The following PNLDC1 variants were observed in gnomAD, a reference collection of about 807,000 sequenced individuals.
The protein encoded by PNLDC1 is poly(A)-specific ribonuclease PNLDC1.
In PNLDC1, 70 loss-of-function variants were observed where a neutral mutation model predicts 82.0. That is an observed-to-expected ratio of 0.85 (90% CI 0.70 to 1.04). The LOEUF (loss-of-function observed/expected upper bound fraction) is 1.04, where lower values mean the gene tolerates loss of function less well. Ranked by LOEUF, PNLDC1 falls within the 50% of genes least tolerant of loss-of-function variation. The pLI, the probability that PNLDC1 is intolerant of heterozygous loss-of-function variation, is 0.00. For missense variants in PNLDC1, 631 were observed against 661.1 expected, an observed-to-expected ratio of 0.95 and a Z score of 0.50; for synonymous variants, 280 against 249.3, an observed-to-expected ratio of 1.12 and a Z score of -1.16.
rs1291771887 is a variant in PNLDC1 at position 159,809,034 on chromosome 6, G to C, written c.659G>C (p.Ser220Thr). 6.2e-7 allele frequency: 1 copy of C among 1,613,358 alleles called. No homozygotes were observed. Among genetic ancestry groups the C allele is most frequent in the Middle Eastern group, 1.7e-4 (1 of 6,056 alleles). ...TTTCAGGTGGTAGTGAAGAAAGTGA[G>C]TAAACAACATCGTTGGTATCTTCAG... is the stretch of plus-strand genomic sequence containing the variant. ...KDEGVVVKKV[S>T]KQHRWYLQNT... Residue 220 changes from serine to threonine, a missense_variant, in exon 9 of 19, where the codon AGT becomes ACT. Ser to Thr is a moderately conservative substitution (Grantham distance 58). Coordinates refer to ENST00000392167, the MANE Select transcript of PNLDC1 (RefSeq NM_001271862.2).
At chr6:159,818,413 C>A in intron 15 of PNLDC1, 142 bp from the exon 16 acceptor site, 2 of 710,516 alleles carry the variant, frequency 2.8e-6, no homozygotes, top group Admixed American at 2.2e-5. Flanking sequence ...CCAACCAGAG[C>A]CCCAAGACTT....
At position 159,811,548 on chromosome 6, in the gene PNLDC1, C is replaced by T. The variant is rs115269477; in HGVS notation, c.854-153C>T. Among the ~76,000 whole-genome samples the T allele has an allele frequency of 6.0e-3, 906 of 152,254 alleles. 10 individuals are homozygous for T. The highest frequency in any genetic ancestry group is 0.021 in the African/African-American group (872 of 41,538). On this transcript the variant is annotated intron_variant, in intron 10 of 18. Coordinates refer to ENST00000392167, the MANE Select transcript of PNLDC1 (RefSeq NM_001271862.2). ...GCAGCTTGATCTGAGTTTAGAAATC[C>T]TTAGTGGCTAGGATTAATGGTGTTT...
intron 9 of PNLDC1, 81 bp downstream of exon 9, chr6:159,809,239 A>G (rs1781563767): frequency 2.6e-6 from 4 of 1,520,610 alleles, no homozygotes; most frequent in South Asian, 1.2e-5. Flanking sequence ...TCCTTCAACA[A>G]CAAGATAAAA....
At chr6:159,813,927 G>T (rs981112814) in intron 12 of PNLDC1, among the ~76,000 whole-genome samples, 1 of 151,738 alleles carries the variant, frequency 6.6e-6, no homozygotes, top group Admixed American at 6.6e-5. Flanking sequence ...TCATTGTCTC[G>T]CCCCTGTCAC....
In PNLDC1 at chr6:159,819,230, A is replaced by G; in HGVS notation, c.1434-24A>G. The G allele has an allele frequency of 1.9e-6, 3 of 1,613,354 alleles. No homozygotes were observed. The highest frequency in any genetic ancestry group is 2.5e-6 in the Non-Finnish European group (3 of 1,179,806). ...GCGGCGCCATCCTGCTGCCTGGCTG[A>G]CCACAGCAAACTTGTTTTGGCAGTG... On this transcript the variant is annotated intron_variant, in intron 17 of 18. Transcript: ENST00000392167. This position sits in a 1 kb window ranked among gnomAD's most constrained non-coding sequence, Gnocchi z 4.6.
In PNLDC1 at chr6:159,803,306, A is replaced by T; in HGVS notation, c.244A>T (p.Asn82Tyr). 1.2e-6 allele frequency: 2 copies of T among 1,613,600 alleles called. No individual in the cohort carries two copies. The highest frequency in any genetic ancestry group is 1.7e-6 in the Non-Finnish European group (2 of 1,179,558). ...GTTTTCCGCTATTGAAGGAGAGGCA[A>T]ACAAGTATGTATCAAGAGCTTCTGC... ...SVFSAIEGEA[N>Y]KYIAHSCNFY... is the part of the protein sequence containing the mutation. The change falls in exon 4 of 19, where the codon AAC becomes TAC. Residue 82 changes from asparagine to tyrosine, a missense_variant. Physicochemically the swap from Asn to Tyr is moderately radical, Grantham distance 143. Coordinates refer to ENST00000392167, the MANE Select transcript of PNLDC1 (RefSeq NM_001271862.2).
At chr6:159,805,256 G>A (rs1583168596) in intron 6 of PNLDC1, among the ~76,000 whole-genome samples, 1 of 152,232 alleles carries the variant, frequency 6.6e-6, no homozygotes, top group African/African-American at 2.4e-5. Flanking sequence ...ATTGTGGGTA[G>A]ACGGACCGGG....
intron 6 of PNLDC1, 65 bp downstream of exon 6, chr6:159,804,702 C>T (rs529956186): frequency 4.1e-5 from 51 of 1,257,894 alleles, no homozygotes; most frequent in South Asian, 2.0e-4. Flanking sequence ...TTCCCGTGGG[C>T]GGGCGTGCCG....
chr6:159,805,423 T>C (rs780216243), intron 6 of PNLDC1, among the ~76,000 whole-genome samples: 7 of 152,232 alleles, frequency 4.6e-5, no homozygotes, highest in African/African-American at 1.2e-4. Context: ...AATTCTGTTA[T>C]GTTGGAGGAA....
At position 159,800,294 on chromosome 6, in the gene PNLDC1, G is replaced by T. The variant is rs1191475918; in HGVS notation, c.-14G>T. On this transcript the variant is annotated 5_prime_UTR_variant, in exon 1 of 19. Transcript: ENST00000392167. ...ACGTGATAGCGCTGGGCGACTCCGC[G>T]GAGCTGCACGGCCATGGACGTGGGC... 6.5e-7 allele frequency: 1 copy of T among 1,544,012 alleles called. No individual in the cohort carries two copies. The highest frequency in any genetic ancestry group is 2.0e-5 in the Admixed American group (1 of 50,852).
At chr6:159,803,847 C>T in intron 4 of PNLDC1, 118 bp from the exon 5 acceptor site, 1 of 1,154,216 alleles carries the variant, frequency 8.7e-7, no homozygotes, top group Non-Finnish European at 1.2e-6. Flanking sequence ...ACAGCAGACA[C>T]TCGGGCACAC....
chr6:159,801,871 A>G (rs1230631664), intron 3 of PNLDC1, among the ~76,000 whole-genome samples: 1 of 150,590 alleles, frequency 6.6e-6, no homozygotes. Flanking sequence ...GTTCATACAG[A>G]TCTATTTGTT....
intron 5 of PNLDC1, 107 bp downstream of exon 5, chr6:159,804,195 G>A (rs1781364843): frequency 7.5e-7 from 1 of 1,334,538 alleles, no homozygotes; most frequent in East Asian, 2.4e-5. Context: ...TCGCCTCCCG[G>A]GTTCAAGTGA....
chr6:159,802,156 A>G (rs1005750364), intron 3 of PNLDC1, among the ~76,000 whole-genome samples: 1 of 152,238 alleles, frequency 6.6e-6, no homozygotes, highest in Non-Finnish European at 1.5e-5. Flanking sequence ...ACAGCTACTC[A>G]ATCCTGCTTT....
chr6:159,817,290 T>G, intron 15 of PNLDC1, 139 bp downstream of exon 15: 1 of 825,126 alleles, frequency 1.2e-6, no homozygotes, highest in Non-Finnish European at 2.0e-6. Flanking sequence ...ATAGAAATCT[T>G]GTCCCTGACT....
chr6:159,812,102 A>T (rs1274657996), intron 11 of PNLDC1, among the ~76,000 whole-genome samples: 1 of 152,080 alleles, frequency 6.6e-6, no homozygotes, highest in Non-Finnish European at 1.5e-5. Flanking sequence ...GGGTTTCACC[A>T]TGTTAGCCAG....
intron 1 of PNLDC1, 148 bp downstream of exon 1, chr6:159,800,531 G>GT (rs1781203435): frequency 1.5e-6 from 2 of 1,310,478 alleles, no homozygotes; most frequent in Non-Finnish European, 2.1e-6. Flanking sequence ...CAGCCCCGGG[G>GT]CGGTGGGACT....
intron 2 of PNLDC1, 92 bp downstream of exon 2, chr6:159,800,921 C>G (rs1408745005): frequency 1.9e-6 from 3 of 1,579,166 alleles, no homozygotes; most frequent in Non-Finnish European, 1.7e-6. Context: ...GGGGGCAGGA[C>G]GTTTTGTGTG....
intron 15 of PNLDC1, among the ~76,000 whole-genome samples, chr6:159,817,688 T>C (rs372067785): frequency 3.9e-5 from 6 of 152,164 alleles, no homozygotes; most frequent in African/African-American, 1.4e-4. Context: ...AGAAACACAT[T>C]AGCAGCGTGC....
Sources: gnomAD v4.1 joint callset for allele counts (sites outside exome capture counted in the v4.1 genomes callset) on GRCh38, gnomAD v4.1.1 for gene constraint, Gnocchi (gnomAD v3.1) non-coding constraint, MANE v1.5 for transcripts, NCBI Gene and HGNC (gene_info 2026-07-23, HGNC 2026-07-21) for gene names.